The following ARHGAP21 variants were observed in gnomAD, a reference collection of about 807,000 sequenced individuals.
The protein encoded by ARHGAP21 is rho GTPase-activating protein 21.
A neutral mutation model predicts 164.6 loss-of-function variants in ARHGAP21; 38 were observed. That is an observed-to-expected ratio of 0.23 (90% CI 0.18 to 0.30). The LOEUF (loss-of-function observed/expected upper bound fraction) is 0.30. Among genes scored for constraint, ARHGAP21 ranks in the 10% least tolerant of loss-of-function variants. The pLI is 1.00. For synonymous variants in ARHGAP21, 766 were observed against 857.9 expected (o/e 0.89, Z 1.87); for missense variants, 1,822 against 2,370.7 (o/e 0.77, Z 4.81).
rs1329802552 is a variant in ARHGAP21 at position 24,607,587 on chromosome 10, G to A, written c.2596C>T (p.Pro866Ser). 4 of 1,613,938 alleles carry A rather than the reference G, an allele frequency of 2.5e-6. No individual in the cohort carries two copies. The highest frequency in any genetic ancestry group is 3.3e-5 in the Admixed American group (2 of 59,990). ...GAGTTGGGCTGAGCATCCAGGCTAG[G>A]AGGGCCAACAGATTCTGTAATTAAT... is the stretch of plus-strand genomic sequence containing the variant. Reference protein sequence around the residue: ...LSHDHESVGPPSLDAQPNSKT... With the variant: ...LSHDHESVGPSSLDAQPNSKT... Residue 866 changes from proline to serine, a missense_variant, in exon 11 of 26, where the codon CCT becomes TCT. Around this residue, in one of 5 missense-constraint regions of ARHGAP21, gnomAD observed 1,090 missense variants for 1,378.9 expected, o/e 0.79. Coordinates refer to ENST00000396432, the MANE Select transcript of ARHGAP21 (RefSeq NM_020824.4).
chr10:24,666,175 G>A lies in ARHGAP21; in HGVS notation c.268+810C>T, dbSNP rs192719337. ...CTCCTGAGTAGCTGGGATTACAGGCGCCCGCCACCACACCCGGCTAATATT... is the reference window on the plus strand; with the variant it reads ...CTCCTGAGTAGCTGGGATTACAGGCACCCGCCACCACACCCGGCTAATATT... On this transcript the variant is annotated intron_variant, in intron 4 of 25. Coordinates refer to ENST00000396432, the MANE Select transcript of ARHGAP21 (RefSeq NM_020824.4). Among the ~76,000 whole-genome samples, 880 of 152,136 alleles carry A rather than the reference G, an allele frequency of 5.8e-3. 5 individuals are homozygous for A. Among genetic ancestry groups the A allele is most frequent in the Middle Eastern group, 0.017 (5 of 294 alleles).
intron 2 of ARHGAP21, among the ~76,000 whole-genome samples, chr10:24,685,636 G>C (rs538063705): frequency 1.3e-5 from 2 of 152,178 alleles, no homozygotes; most frequent in East Asian, 3.8e-4. Flanking sequence ...AGCACTTTGG[G>C]AGGCCGAGGT....
chr10:24,644,427 G>A (rs925650926), intron 4 of ARHGAP21, among the ~76,000 whole-genome samples: 1 of 151,962 alleles, frequency 6.6e-6, no homozygotes. Context: ...TACCTCCTTG[G>A]GGGAAAACTG....
At chr10:24,588,115 C>T (rs1006122548) in intron 25 of ARHGAP21, among the ~76,000 whole-genome samples, 18 of 152,250 alleles carry the variant, frequency 1.2e-4, no homozygotes, top group African/African-American at 3.6e-4. Flanking sequence ...TGACTGCATT[C>T]TGTATAAGGA....
At chr10:24,615,018 G>A (rs1005072219) in intron 9 of ARHGAP21, among the ~76,000 whole-genome samples, 3 of 151,572 alleles carry the variant, frequency 2.0e-5, no homozygotes, top group African/African-American at 4.8e-5. Flanking sequence ...GTGAAACCCC[G>A]TTTCTACTAA....
intron 4 of ARHGAP21, among the ~76,000 whole-genome samples, chr10:24,645,537 T>C (rs1007239562): frequency 4.6e-5 from 7 of 151,132 alleles, no homozygotes; most frequent in Admixed American, 1.3e-4. Flanking sequence ...TGAGCCAAGA[T>C]TGTGCTGCTA....
At chr10:24,598,066 CTTT>C in intron 14 of ARHGAP21, 57 bp from the exon 15 acceptor site, 1 of 1,407,788 alleles carries the variant, frequency 7.1e-7, no homozygotes. Flanking sequence ...GTGATCCTTA[CTTT>C]TTTGAGGCTT....
At chr10:24,678,119 G>C (rs1841445125) in intron 2 of ARHGAP21, among the ~76,000 whole-genome samples, 1 of 151,874 alleles carries the variant, frequency 6.6e-6, no homozygotes, top group Non-Finnish European at 1.5e-5. Flanking sequence ...AAAAAAAAGA[G>C]AGAGAGAGGA....
chr10:24,652,563 T>C (rs1312479549), intron 4 of ARHGAP21, among the ~76,000 whole-genome samples: 2 of 152,226 alleles, frequency 1.3e-5, no homozygotes, highest in African/African-American at 4.8e-5. Context: ...TTGAATTACC[T>C]GCTAATAGTA....
intron 3 of ARHGAP21, among the ~76,000 whole-genome samples, chr10:24,669,058 A>T (rs1840459712): frequency 6.6e-6 from 1 of 152,182 alleles, no homozygotes; most frequent in African/African-American, 2.4e-5. Context: ...TGTTTTATAC[A>T]CATTTGAGAA....
intron 2 of ARHGAP21, among the ~76,000 whole-genome samples, chr10:24,681,756 T>C (rs902449891): frequency 3.3e-5 from 5 of 152,144 alleles, no homozygotes; most frequent in African/African-American, 9.7e-5. Flanking sequence ...AGGATGTCAT[T>C]AGCTGAGAAA....
intron 4 of ARHGAP21, among the ~76,000 whole-genome samples, chr10:24,641,216 A>G (rs1314333129): frequency 6.6e-6 from 1 of 152,240 alleles, no homozygotes; most frequent in African/African-American, 2.4e-5. Context: ...TATGTATCAT[A>G]TGATAAATAT....
intron 2 of ARHGAP21, among the ~76,000 whole-genome samples, chr10:24,721,379 G>A (rs575552372): frequency 2.6e-5 from 4 of 152,308 alleles, no homozygotes; most frequent in East Asian, 3.9e-4. Context: ...CCCCTCGTCA[G>A]TACCAAAGAA....
chr10:24,626,798 C>G (rs991053636), intron 7 of ARHGAP21, among the ~76,000 whole-genome samples: 1 of 151,852 alleles, frequency 6.6e-6, no homozygotes, highest in African/African-American at 2.4e-5. Flanking sequence ...GTCTAAGATA[C>G]CAGAGTCTAA....
In ARHGAP21 at chr10:24,662,549, C is replaced by T. The variant is rs148416215; in HGVS notation, c.268+4436G>A. ...GAAATAGATTAAGTTCTCAGTCATG[C>T]GCTAATTTCCACCACTCTCCCAACC... is the stretch of plus-strand genomic sequence containing the variant. On this transcript the variant is annotated intron_variant, in intron 4 of 25. Transcript: ENST00000396432. 4.4e-3 allele frequency among the ~76,000 whole-genome samples: 663 copies of T among 152,220 alleles called. 3 individuals carry two copies. The highest frequency in any genetic ancestry group is 0.015 in the African/African-American group (614 of 41,534).
Position 24,710,189 on chromosome 10 carries a change from CTCTAGATATAAATAT to C in ARHGAP21, c.63+11633_63+11647del, listed in dbSNP as rs1253777738. 4.6e-5 allele frequency among the ~76,000 whole-genome samples: 7 copies of C among 152,224 alleles called. No homozygotes were observed. The East Asian group carries it at 1.4e-3, about 29-fold the overall frequency. On this transcript the variant is annotated intron_variant, in intron 2 of 25. Coordinates refer to ENST00000396432, the MANE Select transcript of ARHGAP21 (RefSeq NM_020824.4). ...TACAGCTAGGGAGAATATCCAGTAT[CTCTAGATATAAATAT>C]TCTAGATATACTATATGTAGAATCT...
chr10:24,660,693 T>C (rs1433297013), intron 4 of ARHGAP21, among the ~76,000 whole-genome samples: 1 of 152,238 alleles, frequency 6.6e-6, no homozygotes, highest in African/African-American at 2.4e-5. Context: ...TCTGATTTTT[T>C]GCACCAAAGA....
chr10:24,707,922 A>G (rs11014207), intron 2 of ARHGAP21, among the ~76,000 whole-genome samples: 1 of 152,198 alleles, frequency 6.6e-6, no homozygotes. Flanking sequence ...TTAAACTAAA[A>G]GCTAATCATA....
chr10:24,590,317 C>T (rs1388796917), intron 24 of ARHGAP21: 3 of 1,535,048 alleles, frequency 2.0e-6, no homozygotes, highest in Non-Finnish European at 2.6e-6. Context: ...CTTTACACCA[C>T]AGATCAACTA....
Sources: gnomAD v4.1 joint callset for allele counts (sites outside exome capture counted in the v4.1 genomes callset) on GRCh38, gnomAD v4.1.1 for gene constraint, gnomAD v4.1.1 regional missense constraint, MANE v1.5 for transcripts, NCBI Gene and HGNC (gene_info 2026-07-23, HGNC 2026-07-21) for gene names.